CPE: variants seen among roughly 807,000 people sequenced by gnomAD.
CPE encodes the protein carboxypeptidase E.
CPE carries 17 observed loss-of-function variants against 53.5 expected under a neutral mutation model. That is an observed-to-expected ratio of 0.32 (90% CI 0.22 to 0.48). The LOEUF (loss-of-function observed/expected upper bound fraction) is 0.48. Among genes scored for constraint, CPE ranks in the 20% least tolerant of loss-of-function variants. The pLI is 0.99. For missense variants in CPE, 524 were observed against 614.7 expected (o/e 0.85, Z 1.56); for synonymous variants, 226 against 228.8 (o/e 0.99, Z 0.11).
intron 1 of CPE, among the ~76,000 whole-genome samples, chr4:165,426,189 G>A (rs1468271348): frequency 6.6e-6 from 1 of 152,086 alleles, no homozygotes; most frequent in African/African-American, 2.4e-5. Flanking sequence ...TATAAATACT[G>A]TTCCTTCAAG....
rs771991161 is a variant in CPE at position 165,405,957 on chromosome 4, GT to G, written c.307+26432del. Reference sequence around the variant, plus strand: ...ACAACAGGCTTTATGGACTTTTCAAGTTTCTCAAATGTTCTCTGTGCTTCTT... The same window carrying G: ...ACAACAGGCTTTATGGACTTTTCAAGTTCTCAAATGTTCTCTGTGCTTCTT... On this transcript the variant is annotated intron_variant, in intron 1 of 8. Coordinates refer to ENST00000402744, the MANE Select transcript of CPE (RefSeq NM_001873.4). The G allele has an allele frequency of 1.4e-4, 104 of 732,318 alleles. No individual in the cohort carries two copies. In the Middle Eastern group the frequency reaches 2.3e-3, roughly 16 times the overall value. The allele number at this position is 732,318 out of a possible 1,614,324, so 45.4% of individuals were successfully genotyped here. A position where few individuals can be genotyped will look rare whatever the true frequency, so the allele number is the denominator to read the frequency against.
intron 1 of CPE, among the ~76,000 whole-genome samples, chr4:165,400,417 T>C (rs1321148365): frequency 1.3e-5 from 2 of 152,128 alleles, no homozygotes; most frequent in Admixed American, 6.5e-5. Context: ...CAGAGAGATG[T>C]AGTCAAAGAA....
chr4:165,388,375 T>G (rs1730631968), intron 1 of CPE, among the ~76,000 whole-genome samples: 1 of 152,248 alleles, frequency 6.6e-6, no homozygotes, highest in South Asian at 2.1e-4. Context: ...CATTCCACAC[T>G]GAAATTAACT....
chr4:165,480,125 C>T (rs1732377578), intron 3 of CPE, among the ~76,000 whole-genome samples: 1 of 151,606 alleles, frequency 6.6e-6, no homozygotes, highest in African/African-American at 2.4e-5. Context: ...TAAAATAATG[C>T]AAACTTTAAA....
chr4:165,478,116 A>C (rs114662745), intron 3 of CPE, among the ~76,000 whole-genome samples: 2,718 of 152,360 alleles, frequency 0.018, 45 homozygotes, highest in Middle Eastern at 0.037. Context: ...AAACTGAATA[A>C]ATAGAGCTTC....
intron 1 of CPE, among the ~76,000 whole-genome samples, chr4:165,452,085 A>C (rs899248653): frequency 2.0e-5 from 3 of 152,210 alleles, no homozygotes; most frequent in Non-Finnish European, 4.4e-5. Context: ...TTGTTGTCAC[A>C]TGTGTGCAAG....
At chr4:165,398,395 A>AATACATATAGGTACATAT (rs1166390024) in intron 1 of CPE, among the ~76,000 whole-genome samples, 1 of 152,182 alleles carries the variant, frequency 6.6e-6, no homozygotes, top group African/African-American at 2.4e-5. Flanking sequence ...TAGGTGTATG[A>AATACATATAGGTACATAT]ATACATATAG....
At chr4:165,436,015 C>T (rs1731495811) in intron 1 of CPE, among the ~76,000 whole-genome samples, 1 of 152,112 alleles carries the variant, frequency 6.6e-6, no homozygotes, top group South Asian at 2.1e-4. Context: ...GCTGATTCTT[C>T]TTTGCCATCT....
rs1451976804 is a variant in CPE at position 165,495,665 on chromosome 4, C to T, written c.1320C>T (p.Ser440=). The change falls in exon 8 of 9, where the codon AGC becomes AGT. Residue 440 remains serine (S), a synonymous_variant. Coordinates refer to ENST00000402744, the MANE Select transcript of CPE (RefSeq NM_001873.4). ...AITKKVAVPY[S]PAAGVDFELE... ...CAAAGAAAGTGGCAGTTCCTTACAG[C>T]CCTGCTGCTGGGGTAAGTAATCATA... 6.2e-7 allele frequency: 1 copy of T among 1,608,910 alleles called. No homozygotes were observed. Among genetic ancestry groups the T allele is most frequent in the Admixed American group, 1.7e-5 (1 of 59,456 alleles).
intron 1 of CPE, among the ~76,000 whole-genome samples, chr4:165,434,878 G>T (rs1253409366): frequency 6.6e-6 from 1 of 152,058 alleles, no homozygotes; most frequent in Non-Finnish European, 1.5e-5. Context: ...GATCCCTGGT[G>T]AATGTCTTAG....
chr4:165,426,836 G>A (rs757801352), intron 1 of CPE, among the ~76,000 whole-genome samples: 1 of 152,190 alleles, frequency 6.6e-6, no homozygotes, highest in African/African-American at 2.4e-5. Flanking sequence ...GAAAATTAAG[G>A]AGCATGGACA....
chr4:165,477,978 TTCAGC>T (rs528656207), intron 3 of CPE, among the ~76,000 whole-genome samples: 18 of 152,320 alleles, frequency 1.2e-4, no homozygotes, highest in African/African-American at 4.3e-4. Context: ...TCTTGAGCTC[TTCAGC>T]CTGGTCACCT....
chr4:165,386,520 A>AG (rs1730596049), intron 1 of CPE, among the ~76,000 whole-genome samples: 1 of 152,190 alleles, frequency 6.6e-6, no homozygotes, highest in South Asian at 2.1e-4. Context: ...AAGGATAGAG[A>AG]TGGTACTTTT....
At chr4:165,420,341 TG>T (rs2126673151) in intron 1 of CPE, among the ~76,000 whole-genome samples, 1 of 152,292 alleles carries the variant, frequency 6.6e-6, no homozygotes, top group South Asian at 2.1e-4. Flanking sequence ...TACTTCTCAT[TG>T]TAGTCATTCC....
intron 7 of CPE, among the ~76,000 whole-genome samples, chr4:165,493,493 G>T (rs892742165): frequency 1.3e-5 from 2 of 152,194 alleles, no homozygotes; most frequent in Admixed American, 6.5e-5. Context: ...GCAGCAGATG[G>T]CGCCCTTTCC....
chr4:165,491,993 C>T (rs190381378), intron 6 of CPE, among the ~76,000 whole-genome samples: 12 of 151,876 alleles, frequency 7.9e-5, no homozygotes, highest in African/African-American at 2.7e-4. Context: ...TAATGCATTA[C>T]GATTTGATAT....
intron 2 of CPE, among the ~76,000 whole-genome samples, 165 bp downstream of exon 2, chr4:165,464,751 A>G (rs1402076028): frequency 6.6e-6 from 1 of 152,256 alleles, no homozygotes; most frequent in Non-Finnish European, 1.5e-5. Flanking sequence ...AAAATAGTTT[A>G]GAATGAAAGG....
At chr4:165,406,022 G>A (rs1210449049) in intron 1 of CPE, 3 of 754,932 alleles carry the variant, frequency 4.0e-6, no homozygotes, top group East Asian at 2.5e-5. Flanking sequence ...CTTGCAAGTG[G>A]CTAAAATGTT....
intron 1 of CPE, among the ~76,000 whole-genome samples, chr4:165,429,651 G>A (rs1016080979): frequency 2.6e-5 from 4 of 151,596 alleles, no homozygotes; most frequent in African/African-American, 9.7e-5. Flanking sequence ...GCAATGAATC[G>A]AGATCGTGCC....
Sources: allele counts gnomAD v4.1 joint callset (sites outside exome capture counted in the v4.1 genomes callset), GRCh38; gene constraint gnomAD v4.1.1; transcripts MANE v1.5; gene names NCBI Gene and HGNC (gene_info 2026-07-23, HGNC 2026-07-21).